PTBP2: variants seen among roughly 807,000 people sequenced by gnomAD.
The protein encoded by PTBP2 is polypyrimidine tract binding protein 2.
Under a neutral mutation model 61.4 loss-of-function variants are expected in PTBP2, and 13 were observed. The ratio of observed to expected loss-of-function variants is 0.21; its 90% CI spans 0.14 to 0.34. The LOEUF is 0.34. PTBP2 is among the 10% of genes least tolerant of loss of function. The pLI, the probability that PTBP2 is intolerant of heterozygous loss-of-function variation, is 1.00. For synonymous variants in PTBP2, 215 were observed against 218.5 expected, an observed-to-expected ratio of 0.98 and a Z score of 0.14; for missense variants, 405 against 642.6, an observed-to-expected ratio of 0.63 and a Z score of 4.00.
In PTBP2 at chr1:96,735,062, C is replaced by T. The variant is rs888675741; in HGVS notation, c.39+11468C>T. ...CTTCCCAAGTAGCTGGAACTACAGG[C>T]GCCTGCCACTACACCTGGCTAATTT... On this transcript the variant is annotated intron_variant, in intron 2 of 13. Transcript: ENST00000674951. 4.4e-4 allele frequency among the ~76,000 whole-genome samples: 67 copies of T among 151,902 alleles called. 1 individual carries two copies. The highest frequency in any genetic ancestry group is 9.8e-4 in the Admixed American group (15 of 15,260).
At chr1:96,799,928 A>C (rs1233983623) in intron 8 of PTBP2, among the ~76,000 whole-genome samples, 1 of 152,222 alleles carries the variant, frequency 6.6e-6, no homozygotes, top group Non-Finnish European at 1.5e-5. Flanking sequence ...AAATTGGAGA[A>C]TCTTCAGAGG....
chr1:96,734,782 T>G (rs922802203), intron 2 of PTBP2, among the ~76,000 whole-genome samples: 3 of 152,048 alleles, frequency 2.0e-5, no homozygotes, highest in Non-Finnish European at 2.9e-5. Context: ...GGGTTTTTAT[T>G]TCTGTTAGAC....
chr1:96,737,550 C>A (rs1327571370), intron 2 of PTBP2, among the ~76,000 whole-genome samples: 1 of 152,028 alleles, frequency 6.6e-6, no homozygotes, highest in Non-Finnish European at 1.5e-5. Flanking sequence ...TGTTTAGAGC[C>A]TTTAAGGGCA....
At chr1:96,783,815 T>C (rs1286982650) in intron 7 of PTBP2, among the ~76,000 whole-genome samples, 5 of 152,090 alleles carry the variant, frequency 3.3e-5, no homozygotes, top group Non-Finnish European at 5.9e-5. Flanking sequence ...ATAAAGTTGA[T>C]TGATACATGG....
At chr1:96,772,910 C>G (rs1570893526) in intron 5 of PTBP2, among the ~76,000 whole-genome samples, 1 of 147,118 alleles carries the variant, frequency 6.8e-6, no homozygotes, top group East Asian at 2.0e-4. Flanking sequence ...GTCAGGAGTT[C>G]AAGACCCGCC....
intron 2 of PTBP2, among the ~76,000 whole-genome samples, chr1:96,730,326 A>G (rs1440629674): frequency 1.3e-5 from 2 of 152,156 alleles, no homozygotes; most frequent in South Asian, 2.1e-4. Flanking sequence ...TTTTACTTAT[A>G]TAGGGATTTA....
At chr1:96,766,333 G>A (rs565121153) in intron 3 of PTBP2, among the ~76,000 whole-genome samples, 1 of 152,116 alleles carries the variant, frequency 6.6e-6, no homozygotes, top group Non-Finnish European at 1.5e-5. Context: ...ATAAATAAAA[G>A]CATTACCTCA....
At chr1:96,747,459 A>C (rs1366181646) in intron 2 of PTBP2, among the ~76,000 whole-genome samples, 1 of 152,078 alleles carries the variant, frequency 6.6e-6, no homozygotes, top group Non-Finnish European at 1.5e-5. Context: ...AAATTTTAAA[A>C]AATTTTGCTT....
Position 96,812,645 on chromosome 1 carries a change from G to T in PTBP2, c.1172-67G>T, listed in dbSNP as rs376588045. 3.9e-6 allele frequency: 5 copies of T among 1,268,202 alleles called. No homozygotes were observed. The South Asian group carries it at 4.2e-5, about 11-fold the overall frequency. The allele number at this position is 1,268,202 out of a possible 1,614,324, so 78.6% of individuals were successfully genotyped here. A position where few individuals can be genotyped will look rare whatever the true frequency, so the allele number is the denominator to read the frequency against. ...AAAATTCAAATTTTTAAACTGTTAC[G>T]TTAAAAGAATTATGTTTGTTTTGAG... On this transcript the variant is annotated intron_variant, in intron 11 of 13. Transcript: ENST00000674951.
intron 3 of PTBP2, among the ~76,000 whole-genome samples, chr1:96,755,872 G>A (rs975694426): frequency 1.3e-5 from 2 of 152,146 alleles, no homozygotes; most frequent in South Asian, 2.1e-4. Context: ...AGGAAAACTC[G>A]GGAGTGATGG....
intron 2 of PTBP2, among the ~76,000 whole-genome samples, chr1:96,747,981 G>T (rs975451879): frequency 1.3e-5 from 2 of 151,330 alleles, no homozygotes; most frequent in African/African-American, 4.9e-5. Flanking sequence ...CAGGGCTTTT[G>T]CAAGTCTTTA....
chr1:96,771,860 T>C (rs182862870), intron 5 of PTBP2, among the ~76,000 whole-genome samples: 37 of 152,330 alleles, frequency 2.4e-4, no homozygotes, highest in Admixed American at 2.2e-3. Flanking sequence ...ACAATTTCTT[T>C]ATGGTAAGAA....
chr1:96,771,794 A>G (rs1367368647), intron 5 of PTBP2, among the ~76,000 whole-genome samples: 1 of 152,174 alleles, frequency 6.6e-6, no homozygotes, highest in Non-Finnish European at 1.5e-5. Context: ...TTTAATACAT[A>G]TATATTATGG....
intron 2 of PTBP2, among the ~76,000 whole-genome samples, chr1:96,732,319 C>T (rs1427060621): frequency 6.6e-6 from 1 of 152,058 alleles, no homozygotes; most frequent in African/African-American, 2.4e-5. Flanking sequence ...TCTTAAAATA[C>T]TTTTCTTAAA....
intron 9 of PTBP2, among the ~76,000 whole-genome samples, chr1:96,805,539 A>G (rs1056222736): frequency 3.3e-5 from 5 of 152,030 alleles, no homozygotes; most frequent in Non-Finnish European, 5.9e-5. Context: ...ACCCAGTTAA[A>G]TAAAATTTAT....
At chr1:96,818,816 C>T (rs1020949952), downstream of PTBP2, 3 of 151,890 alleles carry the variant, frequency 2.0e-5, no homozygotes, top group Non-Finnish European at 4.4e-5. Flanking sequence ...TAGTTTTAAC[C>T]AGCTGTTTTA....
At chr1:96,793,923 A>G (rs1396224556) in intron 8 of PTBP2, among the ~76,000 whole-genome samples, 1 of 152,190 alleles carries the variant, frequency 6.6e-6, no homozygotes, top group African/African-American at 2.4e-5. Flanking sequence ...ATGTTTACAT[A>G]CTGACCAGCA....
At chr1:96,785,942 T>G (rs1659159511) in intron 8 of PTBP2, among the ~76,000 whole-genome samples, 1 of 152,202 alleles carries the variant, frequency 6.6e-6, no homozygotes. Context: ...AAGGAAAATC[T>G]TACTTTGTAA....
chr1:96,730,053 T>G (rs1651193087), intron 2 of PTBP2, among the ~76,000 whole-genome samples: 1 of 152,178 alleles, frequency 6.6e-6, no homozygotes, highest in Admixed American at 6.5e-5. Flanking sequence ...ACACTTTTGG[T>G]ATCTGTTGAA....
Sources: allele counts gnomAD v4.1 joint callset (sites outside exome capture counted in the v4.1 genomes callset), GRCh38; gene constraint gnomAD v4.1.1; transcripts MANE v1.5; gene names NCBI Gene and HGNC (gene_info 2026-07-23, HGNC 2026-07-21).